MTM1: variants seen among roughly 807,000 people sequenced by gnomAD.
MTM1 encodes myotubularin 1, also known as myotubularin.
MTM1 carries 9 observed loss-of-function variants against 52.1 expected under a neutral mutation model. That is an observed-to-expected ratio of 0.17 (90% CI 0.10 to 0.30). MTM1 has a LOEUF of 0.30. MTM1 is among the 10% of genes least tolerant of loss of function. The probability of loss-of-function intolerance (pLI) is 1.00; values close to 1 mark genes in which losing one functional copy is unlikely to be tolerated. For synonymous variants in MTM1, 136 were observed against 163.8 expected (o/e 0.83, Z 1.29); for missense variants, 277 against 470.7 (o/e 0.59, Z 3.81).
At chrX:150,567,795 C>T (rs1333566981), upstream of MTM1, among the ~76,000 whole-genome samples, 1 of 112,176 alleles carries the variant, frequency 8.9e-6, no homozygotes, top group African/African-American at 3.2e-5. Context: ...CTCAGGTGAT[C>T]CGCCTGCGTT....
At chrX:150,610,456 A>G (rs2039256585) in intron 4 of MTM1, among the ~76,000 whole-genome samples, 1 of 112,093 alleles carries the variant, frequency 8.9e-6, no homozygotes, top group South Asian at 3.7e-4. Context: ...TAGGTTATTT[A>G]ACTCCCCTAT....
At chrX:150,635,160 A>T (rs2039734401) in intron 6 of MTM1, among the ~76,000 whole-genome samples, 1 of 112,523 alleles carries the variant, frequency 8.9e-6, no homozygotes, top group East Asian at 2.8e-4. Context: ...CTGAAAGGTG[A>T]TGCTCAGCAA....
intron 4 of MTM1, among the ~76,000 whole-genome samples, chrX:150,599,457 T>C (rs912411477): frequency 5.2e-4 from 58 of 111,673 alleles, no homozygotes; most frequent in African/African-American, 1.9e-3. Context: ...TGATAGGATG[T>C]GAATGGGGAA....
chrX:150,608,954 C>T (rs1039868742), intron 4 of MTM1, among the ~76,000 whole-genome samples: 4 of 110,719 alleles, frequency 3.6e-5, no homozygotes, highest in Admixed American at 9.6e-5. Context: ...CTCAGCCTCC[C>T]GAGTAGCTGG....
chrX:150,644,750 C>G (rs140133571), intron 8 of MTM1, among the ~76,000 whole-genome samples: 1 of 110,915 alleles, frequency 9.0e-6, no homozygotes. Flanking sequence ...ACCGAGCAAC[C>G]CTATGAGATT....
chrX:150,641,553 G>C, intron 8 of MTM1, 135 bp downstream of exon 8: 1 of 757,094 alleles, frequency 1.3e-6, no homozygotes, highest in South Asian at 2.4e-5. Flanking sequence ...TGAGTACAAA[G>C]TACCATACCA....
chrX:150,582,655 C>T (rs1391410864), intron 1 of MTM1, among the ~76,000 whole-genome samples: 1 of 111,098 alleles, frequency 9.0e-6, no homozygotes, highest in Non-Finnish European at 1.9e-5. Context: ...CATGTGACAA[C>T]AGGCAGAGAG....
chrX:150,563,702 A>G (rs992490702), upstream of MTM1, among the ~76,000 whole-genome samples: 2 of 105,120 alleles, frequency 1.9e-5, no homozygotes, highest in Admixed American at 1.0e-4. Context: ...CCTGGCCAAC[A>G]TGGTGAAACC....
chrX:150,618,988 A>G (rs782419944), intron 5 of MTM1, 50 bp from the exon 6 acceptor site: 153 of 896,605 alleles, frequency 1.7e-4, no homozygotes, highest in Middle Eastern at 5.3e-4. Flanking sequence ...TTGCTAATTA[A>G]CATGACTTTC....
At chrX:150,618,364 AT>A (rs1444061763) in intron 5 of MTM1, among the ~76,000 whole-genome samples, 1 of 112,047 alleles carries the variant, frequency 8.9e-6, no homozygotes, top group Non-Finnish European at 1.9e-5. Context: ...ATTAAAAAAA[AT>A]ATCAGGGCCG....
At position 150,670,228 on chromosome X, in the gene MTM1, T is replaced by G. The variant is rs2040374157; in HGVS notation, c.1645-1200T>G. 4.4e-5 allele frequency among the ~76,000 whole-genome samples: 5 copies of G among 112,567 alleles called. No homozygotes were observed. In the Admixed American group the frequency reaches 4.7e-4, roughly 11 times the overall value. ...AGTACAAAACTTTTAAAACTTAACA[T>G]GCTGGGAGAGTCACGTTATGCTCCA... is the stretch of plus-strand genomic sequence containing the variant. On this transcript the variant is annotated intron_variant, in intron 14 of 14. Coordinates refer to ENST00000370396, the MANE Select transcript of MTM1 (RefSeq NM_000252.3).
intron 1 of MTM1, among the ~76,000 whole-genome samples, chrX:150,574,366 C>G (rs2038432759): frequency 9.0e-6 from 1 of 111,236 alleles, no homozygotes; most frequent in Non-Finnish European, 1.9e-5. Flanking sequence ...CTGAGACCCA[C>G]CACCGACTCC....
chrX:150,583,847 C>A (rs187402759), intron 1 of MTM1, among the ~76,000 whole-genome samples: 95 of 33,171 alleles, frequency 2.9e-3, no homozygotes, highest in East Asian at 3.8e-3. Flanking sequence ...AAATATATAT[C>A]AAATATATAA....
chrX:150,563,289 C>T, the MTM1 span, among the ~76,000 whole-genome samples: 20 of 103,417 alleles, frequency 1.9e-4, no homozygotes, highest in African/African-American at 7.0e-4. Flanking sequence ...GTCTTCTTCC[C>T]ATGCTTAAAT....
intron 1 of MTM1, among the ~76,000 whole-genome samples, chrX:150,577,404 C>T (rs1268430996): frequency 8.9e-6 from 1 of 112,529 alleles, no homozygotes; most frequent in Admixed American, 9.4e-5. Context: ...CCAAAGTGGC[C>T]ATGCCATTGT....
chrX:150,647,857 C>T (rs1054211002), intron 9 of MTM1, among the ~76,000 whole-genome samples: 4 of 112,197 alleles, frequency 3.6e-5, no homozygotes, highest in African/African-American at 6.5e-5. Context: ...ATTTTTGTGG[C>T]GGTACATCGT....
chrX:150,575,497 A>C (rs1453795449), intron 1 of MTM1, among the ~76,000 whole-genome samples: 2 of 112,035 alleles, frequency 1.8e-5, no homozygotes, highest in Admixed American at 1.9e-4. Flanking sequence ...TGGTTCCGGG[A>C]TGGGCCCGGA....
intron 6 of MTM1, among the ~76,000 whole-genome samples, chrX:150,635,775 CTCACT>C (rs1557413694): frequency 8.9e-6 from 1 of 112,225 alleles, no homozygotes; most frequent in Admixed American, 9.4e-5. Context: ...TTTCAGACTG[CTCACT>C]TCAATTGAGC....
intron 6 of MTM1, among the ~76,000 whole-genome samples, chrX:150,628,510 C>G (rs986953648): frequency 7.3e-5 from 8 of 109,066 alleles, no homozygotes; most frequent in African/African-American, 2.6e-4. Flanking sequence ...CAGTGCCTTT[C>G]TAAGCATGGC....
Sources: allele counts gnomAD v4.1 joint callset (sites outside exome capture counted in the v4.1 genomes callset), GRCh38; gene constraint gnomAD v4.1.1; transcripts MANE v1.5; gene names NCBI Gene and HGNC (gene_info 2026-07-23, HGNC 2026-07-21).